The following FBXW10 variants were observed in gnomAD, a reference collection of about 807,000 sequenced individuals.
FBXW10 encodes the protein F-box and WD repeat domain containing 10.
Under a neutral mutation model 113.1 loss-of-function variants are expected in FBXW10, and 68 were observed. The ratio of observed to expected loss-of-function variants is 0.60; its 90% CI spans 0.49 to 0.74. The LOEUF is 0.74. Ranked by LOEUF, FBXW10 falls within the 30% of genes least tolerant of loss-of-function variation. FBXW10 has a pLI of 0.00. For synonymous variants in FBXW10, 289 were observed against 481.6 expected, an observed-to-expected ratio of 0.60 and a Z score of 5.24; for missense variants, 753 against 1,284.5, an observed-to-expected ratio of 0.59 and a Z score of 6.32.
intron 5 of FBXW10, among the ~76,000 whole-genome samples, chr17:18,752,802 T>TA (rs1344579644): frequency 1.3e-5 from 2 of 152,034 alleles, no homozygotes; most frequent in Non-Finnish European, 2.9e-5. Context: ...ATTTTATAGA[T>TA]AAAGAAACTG....
intron 7 of FBXW10, among the ~76,000 whole-genome samples, chr17:18,764,203 T>C: frequency 6.8e-6 from 1 of 147,792 alleles, no homozygotes; most frequent in South Asian, 2.2e-4. Flanking sequence ...AAATACTCTT[T>C]TTTTTTTTTT....
At chr17:18,755,685 TGGTC>T (rs1183913356) in intron 5 of FBXW10, among the ~76,000 whole-genome samples, 1 of 152,132 alleles carries the variant, frequency 6.6e-6, no homozygotes, top group Non-Finnish European at 1.5e-5. Context: ...TTCTGTGAAA[TGGTC>T]GGTCAAAGGG....
intron 9 of FBXW10, among the ~76,000 whole-genome samples, chr17:18,767,477 AG>A (rs1259968932): frequency 4.7e-5 from 7 of 149,782 alleles, no homozygotes. Context: ...GCATGGGGTG[AG>A]GGGATGAACA....
chr17:18,747,224 C>T (rs1351729451), intron 1 of FBXW10, among the ~76,000 whole-genome samples: 1 of 152,104 alleles, frequency 6.6e-6, no homozygotes, highest in African/African-American at 2.4e-5. Context: ...TCACGCCGGG[C>T]CAACAACCTT....
chr17:18,764,686 G>A (rs754979656), intron 7 of FBXW10, 56 bp from the exon 8 acceptor site: 14 of 1,613,384 alleles, frequency 8.7e-6, no homozygotes, highest in Non-Finnish European at 1.2e-5. Flanking sequence ...GTTCTACGCA[G>A]TATGATCCTC....
chr17:18,756,983 T>C (rs1014182709), intron 6 of FBXW10, among the ~76,000 whole-genome samples: 20 of 152,098 alleles, frequency 1.3e-4, no homozygotes, highest in African/African-American at 4.6e-4. Flanking sequence ...GAAGAGATGG[T>C]GACTAGTTGA....
At chr17:18,757,991 T>G (rs1597593967) in intron 6 of FBXW10, among the ~76,000 whole-genome samples, 1 of 152,344 alleles carries the variant, frequency 6.6e-6, no homozygotes, top group South Asian at 2.1e-4. Context: ...GTTTCCGTGA[T>G]CAATTAAATC....
intron 7 of FBXW10, among the ~76,000 whole-genome samples, chr17:18,761,268 CT>C (rs71284781): frequency 2.3e-3 from 317 of 140,542 alleles, no homozygotes; most frequent in Admixed American, 2.8e-3. Context: ...TTTCACTTTT[CT>C]TTTTTTTTTT....
chr17:18,746,542 G>A (rs148248453), intron 1 of FBXW10, among the ~76,000 whole-genome samples: 309 of 152,266 alleles, frequency 2.0e-3, no homozygotes, highest in African/African-American at 7.3e-3. Context: ...CACAATATAT[G>A]TCACTTGATT....
intron 4 of FBXW10, among the ~76,000 whole-genome samples, chr17:18,750,717 C>T (rs1383338146): frequency 6.6e-6 from 1 of 152,044 alleles, no homozygotes; most frequent in East Asian, 1.9e-4. Context: ...TTACTGGTCC[C>T]CCTGTGGCAT....
chr17:18,746,651 G>A (rs12150401), intron 1 of FBXW10, among the ~76,000 whole-genome samples: 11,539 of 152,182 alleles, frequency 0.076, 490 homozygotes, highest in South Asian at 0.12. Context: ...GAGATCAACC[G>A]ACTTAATATC....
chr17:18,772,749 T>C, intron 12 of FBXW10, 66 bp downstream of exon 12: 1 of 1,406,952 alleles, frequency 7.1e-7, no homozygotes, highest in Non-Finnish European at 9.8e-7. Context: ...TTGGTGGGGG[T>C]GGTGGGAGAC....
At chr17:18,764,517 T>C (rs1431521860) in intron 7 of FBXW10, among the ~76,000 whole-genome samples, 3 of 152,124 alleles carry the variant, frequency 2.0e-5, no homozygotes, top group African/African-American at 7.2e-5. Context: ...CTTATTATTA[T>C]TTCCATTTTA....
chr17:18,767,443 CAAAAAA>C (rs5819658), intron 9 of FBXW10, among the ~76,000 whole-genome samples: 3 of 124,012 alleles, frequency 2.4e-5, no homozygotes, highest in Non-Finnish European at 5.2e-5. Flanking sequence ...TCATGCGTCT[CAAAAAA>C]AAAAAAAAAA....
At chr17:18,770,567 G>A (rs1026203201) in intron 11 of FBXW10, among the ~76,000 whole-genome samples, 3 of 152,158 alleles carry the variant, frequency 2.0e-5, no homozygotes, top group East Asian at 1.9e-4. Flanking sequence ...CTTCCAAAGC[G>A]CTGGGATTAC....
At position 18,775,031 on chromosome 17, in the gene FBXW10, T is replaced by C. The variant is rs2151833112; in HGVS notation, c.2279-105T>C. On this transcript the variant is annotated intron_variant, in intron 12 of 13. Coordinates refer to ENST00000395665, the MANE Select transcript of FBXW10 (RefSeq NM_001267585.2). ...TAAAAAACAAGATAGTGATATTTTG[T>C]ATAAAAATCAGTCCAATTATCAGCC... 5.7e-6 allele frequency: 4 copies of C among 703,978 alleles called. No individual in the cohort carries two copies. In the Admixed American group the frequency reaches 7.8e-5, roughly 14 times the overall value. 43.6% of individuals were successfully genotyped at this position (703,978 alleles called of 1,614,324 possible). A position where few individuals can be genotyped will look rare whatever the true frequency, so the allele number is the denominator to read the frequency against.
intron 1 of FBXW10, 43 bp downstream of exon 1, chr17:18,744,792 C>G (rs766293489): frequency 6.3e-7 from 1 of 1,591,428 alleles, no homozygotes; most frequent in African/African-American, 1.3e-5. Context: ...CCCCGAAGAC[C>G]AGAAGGCAAG....
intron 9 of FBXW10, among the ~76,000 whole-genome samples, chr17:18,767,858 C>G (rs1234150732): frequency 1.3e-5 from 2 of 152,116 alleles, no homozygotes; most frequent in African/African-American, 4.8e-5. Flanking sequence ...ATTTCTGGCC[C>G]TCTCTAGTGC....
intron 13 of FBXW10, among the ~76,000 whole-genome samples, chr17:18,776,530 C>T (rs2035702425): frequency 6.6e-6 from 1 of 152,152 alleles, no homozygotes; most frequent in Non-Finnish European, 1.5e-5. Flanking sequence ...AATGGGCATC[C>T]TTGTATATAC....
Sources: gnomAD v4.1 joint callset for allele counts (sites outside exome capture counted in the v4.1 genomes callset) on GRCh38, gnomAD v4.1.1 for gene constraint, MANE v1.5 for transcripts, NCBI Gene and HGNC (gene_info 2026-07-23, HGNC 2026-07-21) for gene names.